KY: variants seen among roughly 807,000 people sequenced by gnomAD.
KY encodes the protein kyphoscoliosis peptidase.
KY carries 43 observed loss-of-function variants against 76.1 expected under a neutral mutation model. The ratio of observed to expected loss-of-function variants is 0.57; its 90% CI spans 0.44 to 0.73. KY has a LOEUF of 0.73. Ranked by LOEUF, KY falls within the 30% of genes least tolerant of loss-of-function variation. The pLI is 0.00. For synonymous variants in KY, 277 were observed against 326.2 expected, an observed-to-expected ratio of 0.85 and a Z score of 1.63; for missense variants, 722 against 828.9, an observed-to-expected ratio of 0.87 and a Z score of 1.58.
chr3:134,617,193 T>C (rs1961720331), intron 8 of KY, among the ~76,000 whole-genome samples: 2 of 152,212 alleles, frequency 1.3e-5, no homozygotes, highest in African/African-American at 2.4e-5. Context: ...AAGAGGAATA[T>C]ATCCTGGAAC....
intron 3 of KY, chr3:134,641,295 T>TA (rs1965730749): frequency 1.3e-5 from 2 of 152,194 alleles, no homozygotes; most frequent in South Asian, 4.1e-4. Context: ...TGTTACCTAA[T>TA]ATGGTAAAGA....
At chr3:134,647,553 C>A in intron 1 of KY, 56 bp from the exon 2 acceptor site, 1 of 1,083,194 alleles carries the variant, frequency 9.2e-7, no homozygotes, top group Admixed American at 1.9e-5. Flanking sequence ...GAGTGATGTA[C>A]CAGTTGCAGA....
Position 134,604,466 on chromosome 3 carries a change from T to C in KY, c.1099A>G (p.Lys367Glu). The C allele has an allele frequency of 1.9e-6, 3 of 1,603,384 alleles. No homozygotes were observed. Among genetic ancestry groups the C allele is most frequent in the Non-Finnish European group, 8.5e-7 (1 of 1,173,174 alleles). ...ETSMIRTVNG[K>E]ATVTIESCAP... ...CAGCTCTCAATGGTGACCGTGGCCT[T>C]CCCATTCACTGAGGAGAGAAAGTCA... is the stretch of plus-strand genomic sequence containing the variant. The change falls in exon 11 of 11, where the codon AAG becomes GAG. Residue 367 changes from lysine (K) to glutamate (E), a missense_variant. Transcript: ENST00000423778.
intron 6 of KY, among the ~76,000 whole-genome samples, chr3:134,623,508 C>T (rs1483965432): frequency 6.6e-6 from 1 of 151,958 alleles, no homozygotes; most frequent in African/African-American, 2.4e-5. Flanking sequence ...CGTATGTCCT[C>T]ACCTCCTCCC....
intron 4 of KY, among the ~76,000 whole-genome samples, chr3:134,629,010 A>T (rs1963859307): frequency 6.6e-6 from 1 of 152,224 alleles, no homozygotes; most frequent in African/African-American, 2.4e-5. Context: ...ATTCTTCCTG[A>T]GGTCCCTGTT....
chr3:134,616,224 A>C (rs1310090198), intron 8 of KY, among the ~76,000 whole-genome samples: 1 of 152,230 alleles, frequency 6.6e-6, no homozygotes, highest in Non-Finnish European at 1.5e-5. Flanking sequence ...AGCATTAACC[A>C]AAAAACCCCA....
intron 8 of KY, 41 bp from the exon 9 acceptor site, chr3:134,610,424 T>G (rs1328252732): frequency 6.4e-7 from 1 of 1,565,786 alleles, no homozygotes; most frequent in African/African-American, 1.4e-5. Flanking sequence ...GATCCCGCTG[T>G]GGCTTGCCTC....
intron 10 of KY, among the ~76,000 whole-genome samples, chr3:134,604,927 G>A (rs140330777): frequency 3.9e-5 from 6 of 152,152 alleles, no homozygotes; most frequent in African/African-American, 1.4e-4. Flanking sequence ...TCATGTCAAC[G>A]CATTGTCCTT....
At chr3:134,638,707 C>CT (rs1965312656) in intron 3 of KY, among the ~76,000 whole-genome samples, 1 of 152,252 alleles carries the variant, frequency 6.6e-6, no homozygotes, top group African/African-American at 2.4e-5. Flanking sequence ...CACATGCTTA[C>CT]TGCCCTGCCT....
intron 7 of KY, among the ~76,000 whole-genome samples, chr3:134,619,604 C>T (rs1000863417): frequency 6.6e-5 from 10 of 152,188 alleles, no homozygotes; most frequent in African/African-American, 9.7e-5. Context: ...TCACTCATCC[C>T]GTTTTCCTGC....
At chr3:134,614,410 A>C (rs1263204956) in intron 8 of KY, among the ~76,000 whole-genome samples, 1 of 152,126 alleles carries the variant, frequency 6.6e-6, no homozygotes, top group African/African-American at 2.4e-5. Context: ...CATGGATGTA[A>C]GATGCCCTGA....
At chr3:134,649,900 G>A (rs1966844348) in intron 1 of KY, among the ~76,000 whole-genome samples, 1 of 152,196 alleles carries the variant, frequency 6.6e-6, no homozygotes, top group Non-Finnish European at 1.5e-5. Context: ...GAGCTGGAGG[G>A]GAGGAGAGAG....
intron 4 of KY, 99 bp downstream of exon 4, chr3:134,629,522 T>C (rs1299102605): frequency 2.3e-6 from 2 of 883,018 alleles, no homozygotes; most frequent in Admixed American, 4.2e-5. Context: ...GTCACTCTTC[T>C]CCTTCCCTCA....
At chr3:134,639,589 G>A (rs765505726) in intron 3 of KY, among the ~76,000 whole-genome samples, 2 of 152,186 alleles carry the variant, frequency 1.3e-5, no homozygotes, top group Non-Finnish European at 2.9e-5. Flanking sequence ...CAAAGTGTTT[G>A]CATGGGGATA....
In KY at chr3:134,650,088, C is replaced by T. The variant is rs1166116632; in HGVS notation, c.136+737G>A. 2.0e-5 allele frequency among the ~76,000 whole-genome samples: 3 copies of T among 152,194 alleles called. No individual in the cohort carries two copies. In the East Asian group the frequency reaches 5.8e-4, roughly 29 times the overall value. On this transcript the variant is annotated intron_variant, in intron 1 of 10. Coordinates refer to ENST00000423778, the MANE Select transcript of KY (RefSeq NM_178554.6). Reference sequence around the variant, plus strand: ...TTATCATCCCTCTGTACTCCATTCACATTGTGTTCTGTCGTCTGGAGAACA... The same window carrying T: ...TTATCATCCCTCTGTACTCCATTCATATTGTGTTCTGTCGTCTGGAGAACA...
intron 2 of KY, among the ~76,000 whole-genome samples, chr3:134,645,631 G>C (rs947086335): frequency 6.6e-6 from 1 of 152,224 alleles, no homozygotes; most frequent in African/African-American, 2.4e-5. Flanking sequence ...ATGAAATTTC[G>C]CTTTACACAT....
Position 134,629,562 on chromosome 3 carries a change from C to T in KY, c.337+59G>A. The T allele has an allele frequency of 2.2e-6, 3 of 1,379,768 alleles. No homozygotes were observed. In the South Asian group the frequency reaches 3.7e-5, roughly 17 times the overall value. 85.5% of individuals were successfully genotyped at this position (1,379,768 alleles called of 1,614,324 possible). On this transcript the variant is annotated intron_variant, in intron 4 of 10. Transcript: ENST00000423778. Reference sequence around the variant, plus strand: ...ATGCTTGGGCTGGGATCTGGCCCAACCAGCTGCCTTCAATCCTCTCTGCCA... The same window carrying T: ...ATGCTTGGGCTGGGATCTGGCCCAATCAGCTGCCTTCAATCCTCTCTGCCA...
intron 2 of KY, among the ~76,000 whole-genome samples, chr3:134,643,850 G>A (rs752366706): frequency 1.1e-4 from 15 of 138,370 alleles, no homozygotes; most frequent in African/African-American, 2.7e-4. Flanking sequence ...TTTTTGAGAC[G>A]GAGTCTCGCT....
chr3:134,605,164 G>A (rs1468471757), intron 10 of KY, among the ~76,000 whole-genome samples: 1 of 152,040 alleles, frequency 6.6e-6, no homozygotes, highest in African/African-American at 2.4e-5. Context: ...ATCTTCGTCT[G>A]TCCTGGTCAT....
Sources: gnomAD v4.1 joint callset for allele counts (sites outside exome capture counted in the v4.1 genomes callset) on GRCh38, gnomAD v4.1.1 for gene constraint, MANE v1.5 for transcripts, NCBI Gene and HGNC (gene_info 2026-07-23, HGNC 2026-07-21) for gene names.